Variants in SHANK2 observed in about 807,000 individuals in gnomAD.
The protein encoded by SHANK2 is SH3 and multiple ankyrin repeat domains protein 2.
A neutral mutation model predicts 133.7 loss-of-function variants in SHANK2; 43 were observed. The ratio of observed to expected loss-of-function variants is 0.32; its 90% CI spans 0.25 to 0.41. The LOEUF is 0.41. Ranked by LOEUF, SHANK2 falls within the 10% of genes least tolerant of loss-of-function variation. The probability of loss-of-function intolerance (pLI) is 1.00; values close to 1 mark genes in which losing one functional copy is unlikely to be tolerated. For synonymous variants in SHANK2, 1,017 were observed against 952.8 expected (o/e 1.07, Z -1.24); for missense variants, 1,994 against 2,235.8 (o/e 0.89, Z 2.18).
chr11:70,486,769 G>C lies in SHANK2; in HGVS notation c.3524C>G (p.Ser1175Cys), dbSNP rs2058813617. 1.2e-6 allele frequency: 2 copies of C among 1,611,438 alleles called. No homozygotes were observed. Among genetic ancestry groups the C allele is most frequent in the African/African-American group, 2.7e-5 (2 of 75,050 alleles). Residue 1175 changes from serine to cysteine, a missense_variant, in exon 25 of 26, where the codon TCC (serine) becomes TGC (cysteine). Ser to Cys is a moderately radical substitution (Grantham distance 112). Around this residue, in one of 5 missense-constraint regions of SHANK2, gnomAD observed 797 missense variants for 907.4 expected, o/e 0.88. Transcript: ENST00000601538. The surrounding 1 kb of genome is among the most constrained non-coding windows in gnomAD (Gnocchi z 8.0). ...CTCGGGCCCCTGGGCTTTGGACGTG[G>C]AATTCAGCGGCCTCCCAGCCTCACC... ...APGEAGRPLN[S>C]TSKAQGPESS...
intron 17 of SHANK2, among the ~76,000 whole-genome samples, chr11:70,549,489 C>T (rs902711083): frequency 1.3e-5 from 2 of 152,222 alleles, no homozygotes; most frequent in African/African-American, 2.4e-5. Flanking sequence ...TCGACTAGGA[C>T]GGCCTCATGA....
intron 22 of SHANK2, among the ~76,000 whole-genome samples, chr11:70,492,095 C>A (rs549350119): frequency 6.6e-6 from 1 of 152,308 alleles, no homozygotes; most frequent in South Asian, 2.1e-4. Context: ...AGGACACCTT[C>A]GAGGCTCAGG....
intron 24 of SHANK2, 146 bp downstream of exon 24, chr11:70,489,182 C>T (rs2135746123): frequency 8.9e-6 from 7 of 787,292 alleles, no homozygotes; most frequent in Admixed American, 1.9e-5. Context: ...AAAGATGGCT[C>T]GTTCAAAGTG....
In SHANK2 at chr11:70,492,799, T is replaced by TG. The variant is rs1312404423; in HGVS notation, c.2309-335_2309-334insC. Among the ~76,000 whole-genome samples the TG allele has an allele frequency of 2.1e-5, 3 of 142,678 alleles. No individual in the cohort carries two copies. In the South Asian group the frequency reaches 7.2e-4, roughly 34 times the overall value. 93.6% of individuals were successfully genotyped at this position (142,678 alleles called of 152,430 possible). On this transcript the variant is annotated intron_variant, in intron 21 of 25. Transcript: ENST00000601538. ...GGGACATTTCTGTGTTTTTTTTTTT[T>TG]TTTTTTTTTTTTTTGAGACAGTCTC... is the stretch of plus-strand genomic sequence containing the variant.
intron 17 of SHANK2, among the ~76,000 whole-genome samples, chr11:70,514,594 G>A (rs1357743232): frequency 2.6e-5 from 4 of 152,218 alleles, no homozygotes; most frequent in Non-Finnish European, 4.4e-5. Context: ...CAGGAGTGAA[G>A]AAGATGCATC....
chr11:71,118,197 G>T (rs1952015428), intron 4 of SHANK2, among the ~76,000 whole-genome samples: 1 of 152,172 alleles, frequency 6.6e-6, no homozygotes, highest in South Asian at 2.1e-4. Context: ...TTCACAGCAA[G>T]ATTTCTCTGC....
intron 14 of SHANK2, among the ~76,000 whole-genome samples, chr11:70,720,689 G>T (rs1555028799): frequency 1.3e-5 from 2 of 152,252 alleles, no homozygotes; most frequent in Non-Finnish European, 2.9e-5. Context: ...AGGTGGGACT[G>T]ATAGCTGTGT....
chr11:71,186,276 C>A (rs1555114469), intron 2 of SHANK2, among the ~76,000 whole-genome samples: 1 of 152,250 alleles, frequency 6.6e-6, no homozygotes, highest in East Asian at 1.9e-4. Context: ...CCCAGCCTCA[C>A]CCCTACTCCT....
At position 70,820,649 on chromosome 11, in the gene SHANK2, C is replaced by T. The variant is rs894359113; in HGVS notation, c.1208G>A (p.Arg403His). ...CAGCGTGTTGGGGGGCCGCCGCCGG[C>T]GGTTGGAGTACGCCGGGGCCTCTCG... The part of the protein sequence containing the change: ...PFREAPAYSN[R>H]RRRPPNTLAA... The change falls in exon 12 of 26, where the codon CGC (arginine) becomes CAC (histidine). Residue 403 changes from arginine (R) to histidine (H), a missense_variant. Physicochemically the swap from Arg to His is conservative, Grantham distance 29 (BLOSUM62 0). Coordinates refer to ENST00000601538, the MANE Select transcript of SHANK2 (RefSeq NM_012309.5). The T allele has an allele frequency of 5.4e-5, 38 of 704,826 alleles. No individual in the cohort carries two copies. Among genetic ancestry groups the T allele is most frequent in the Admixed American group, 3.3e-4 (16 of 48,894 alleles). 43.7% of individuals were successfully genotyped at this position (704,826 alleles called of 1,614,324 possible).
At position 70,485,245 on chromosome 11, in the gene SHANK2, A is replaced by T; in HGVS notation, c.4979+69T>A. On this transcript the variant is annotated intron_variant, in intron 25 of 25. Coordinates refer to ENST00000601538, the MANE Select transcript of SHANK2 (RefSeq NM_012309.5). The surrounding 1 kb of genome is among the most constrained non-coding windows in gnomAD (Gnocchi z 5.8). ...TCGTGTCCGCTGGGGCTGCTACCCG[A>T]GGGCCTTTCCTGGTCAGCAGGGACA... 7.3e-7 allele frequency: 1 copy of T among 1,362,294 alleles called. No individual in the cohort carries two copies. The highest frequency in any genetic ancestry group is 1.0e-6 in the Non-Finnish European group (1 of 957,690). The allele number at this position is 1,362,294 out of a possible 1,614,324, so 84.4% of individuals were successfully genotyped here.
In SHANK2 at chr11:70,846,493, C is replaced by T. The variant is rs553828180; in HGVS notation, c.1175-25811G>A. On this transcript the variant is annotated intron_variant, in intron 11 of 25. Transcript: ENST00000601538. ...CTATGTTGCCCAGGCTGGCCTCAAG[C>T]GATCCTCCCACCTTGGCCTCCCAAG... is the stretch of plus-strand genomic sequence containing the variant. 1.3e-4 allele frequency among the ~76,000 whole-genome samples: 20 copies of T among 152,062 alleles called. 1 individual carries two copies. The highest frequency in any genetic ancestry group is 3.1e-4 in the African/African-American group (13 of 41,418).
rs1555100871 is a variant in SHANK2, at chr11:71,118,831, C to G, written c.409G>C (p.Glu137Gln). 1 of 1,546,000 alleles carries G rather than the reference C, an allele frequency of 6.5e-7. No homozygotes were observed. The highest frequency in any genetic ancestry group is 2.4e-5 in the East Asian group (1 of 40,868). The part of the protein sequence containing the change: ...QPVGEGVPSL[E>Q]FRYKKRVYKQ... ...ATGCACTGTGGGCTGAAATATACCT[C>G]CAGGGAAGGAACGCCCTCACCCACG... The change falls in exon 4 of 26, where the codon GAG (glutamate) becomes CAG (glutamine). Residue 137 changes from glutamate to glutamine, a missense_variant and splice_region_variant. Transcript: ENST00000601538.
intron 1 of SHANK2, among the ~76,000 whole-genome samples, chr11:71,248,514 T>C (rs954438016): frequency 6.6e-6 from 1 of 152,220 alleles, no homozygotes; most frequent in African/African-American, 2.4e-5. Context: ...GCTTCAAGCT[T>C]CTGATCTGTG....
rs372168873 is a variant in SHANK2 at position 71,119,074 on chromosome 11, G to A, written c.208-42C>T. 1,026 of 1,530,288 alleles carry A rather than the reference G, an allele frequency of 6.7e-4. 1 individual carries two copies. The highest frequency in any genetic ancestry group is 8.1e-4 in the Non-Finnish European group (913 of 1,129,818). The allele number at this position is 1,530,288 out of a possible 1,614,324, so 94.8% of individuals were successfully genotyped here. On this transcript the variant is annotated intron_variant, in intron 3 of 25. Coordinates refer to ENST00000601538, the MANE Select transcript of SHANK2 (RefSeq NM_012309.5). Reference sequence around the variant, plus strand: ...AGACAGCTGATGAGTGACAGAGGACGCTACCTGAGTCACCCATGTGGGGCG... The same window carrying A: ...AGACAGCTGATGAGTGACAGAGGACACTACCTGAGTCACCCATGTGGGGCG...
chr11:70,932,889 A>G (rs1950521413), intron 10 of SHANK2, among the ~76,000 whole-genome samples: 1 of 152,222 alleles, frequency 6.6e-6, no homozygotes, highest in Non-Finnish European at 1.5e-5. Context: ...ATGTGGAGAG[A>G]CTGGAACTCT....
intron 10 of SHANK2, among the ~76,000 whole-genome samples, chr11:70,947,841 C>T (rs1289552151): frequency 6.6e-6 from 1 of 152,120 alleles, no homozygotes; most frequent in Non-Finnish European, 1.5e-5. Flanking sequence ...GGGTGGGTGA[C>T]GGATGCACAG....
chr11:70,820,535 G>A lies in SHANK2; in HGVS notation c.1322C>T (p.Ser441Leu), dbSNP rs1026228571. 10 of 716,988 alleles carry A rather than the reference G, an allele frequency of 1.4e-5. 1 individual carries two copies. The highest frequency in any genetic ancestry group is 7.4e-5 in the South Asian group (5 of 67,582). 44.4% of individuals were successfully genotyped at this position (716,988 alleles called of 1,614,324 possible). A position where few individuals can be genotyped will look rare whatever the true frequency, so the allele number is the denominator to read the frequency against. Reference sequence around the variant, plus strand: ...CAGCTGGGGTGACAGGCTGCGGTGCGAGGTGGCCGTGGAGCAGACGGCCCA... The same window carrying A: ...CAGCTGGGGTGACAGGCTGCGGTGCAAGGTGGCCGTGGAGCAGACGGCCCA... Reference protein sequence around the residue: ...PDWAVCSTATSHRSLSPQLLQ... With the variant: ...PDWAVCSTATLHRSLSPQLLQ... The change falls in exon 12 of 26, where the codon TCG (serine) becomes TTG (leucine). Residue 441 changes from serine to leucine, a missense_variant. By Grantham distance (145) the Ser-to-Leu change is moderately radical (BLOSUM62 -2). This residue lies in a region of SHANK2 where 653 missense variants were observed against 563.4 expected (regional missense o/e 1.16). Coordinates refer to ENST00000601538, the MANE Select transcript of SHANK2 (RefSeq NM_012309.5).
intron 17 of SHANK2, among the ~76,000 whole-genome samples, chr11:70,531,183 A>C (rs1220883418): frequency 2.3e-5 from 3 of 129,868 alleles, no homozygotes; most frequent in Admixed American, 1.6e-4. Context: ...AAAAAAAAAC[A>C]AAAAGGCTAA....
chr11:71,192,854 C>G (rs1406391254), intron 2 of SHANK2, among the ~76,000 whole-genome samples: 1 of 152,176 alleles, frequency 6.6e-6, no homozygotes, highest in Non-Finnish European at 1.5e-5. Context: ...TGCAATCATG[C>G]CTGCTTAATT....
Sources: gnomAD v4.1 joint callset for allele counts (sites outside exome capture counted in the v4.1 genomes callset) on GRCh38, gnomAD v4.1.1 for gene constraint, gnomAD v4.1.1 regional missense constraint, Gnocchi (gnomAD v3.1) non-coding constraint, MANE v1.5 for transcripts, NCBI Gene and HGNC (gene_info 2026-07-23, HGNC 2026-07-21) for gene names.